ARID4B: variants seen among roughly 807,000 people sequenced by gnomAD.
ARID4B encodes the protein AT-rich interactive domain-containing protein 4B.
ARID4B carries 26 observed loss-of-function variants against 147.5 expected under a neutral mutation model. The observed-to-expected ratio is 0.18, with a 90% CI of 0.13 to 0.24. ARID4B has a LOEUF of 0.24. ARID4B is among the 10% of genes least tolerant of loss of function. ARID4B has a pLI of 1.00. For missense variants in ARID4B, 1,179 were observed against 1,511.5 expected, an observed-to-expected ratio of 0.78 and a Z score of 3.65; for synonymous variants, 512 against 507.9, an observed-to-expected ratio of 1.01 and a Z score of -0.11.
intron 2 of ARID4B, among the ~76,000 whole-genome samples, chr1:235,274,366 C>G (rs1271281380): frequency 1.3e-5 from 2 of 151,838 alleles, no homozygotes; most frequent in Non-Finnish European, 2.9e-5. Flanking sequence ...CAGTGAGACT[C>G]CGACTCAAAA....
intron 22 of ARID4B, among the ~76,000 whole-genome samples, chr1:235,173,585 CTA>C (rs1424429356): frequency 6.8e-6 from 1 of 147,956 alleles, no homozygotes; most frequent in Non-Finnish European, 1.5e-5. Context: ...GTGAAAAACT[CTA>C]GAGTAGTATT....
At chr1:235,317,907 A>G (rs1376141129) in intron 2 of ARID4B, among the ~76,000 whole-genome samples, 1 of 152,190 alleles carries the variant, frequency 6.6e-6, no homozygotes, top group Non-Finnish European at 1.5e-5. Context: ...TTAAATACTC[A>G]GCACTCCCCA....
chr1:235,272,937 A>AG (rs1025201385), intron 2 of ARID4B, among the ~76,000 whole-genome samples: 1 of 152,224 alleles, frequency 6.6e-6, no homozygotes, highest in Admixed American at 6.5e-5. Flanking sequence ...TAAGCTTATG[A>AG]GTACAGGACT....
chr1:235,291,063 G>C (rs760196501), intron 2 of ARID4B, among the ~76,000 whole-genome samples: 3 of 152,132 alleles, frequency 2.0e-5, no homozygotes, highest in Non-Finnish European at 4.4e-5. Context: ...TAGTGCTACT[G>C]CACTCCTGCC....
intron 6 of ARID4B, among the ~76,000 whole-genome samples, chr1:235,248,783 G>T (rs1334384433): frequency 1.3e-5 from 2 of 152,144 alleles, no homozygotes; most frequent in African/African-American, 4.8e-5. Flanking sequence ...CAATGTCCAG[G>T]AAAGTAGGGG....
At chr1:235,258,219 C>G (rs1035182812) in intron 3 of ARID4B, among the ~76,000 whole-genome samples, 1 of 152,146 alleles carries the variant, frequency 6.6e-6, no homozygotes, top group African/African-American at 2.4e-5. Context: ...TTAATCCCAG[C>G]TACTCCGGAG....
chr1:235,237,001 T>C (rs1177541376), intron 8 of ARID4B, among the ~76,000 whole-genome samples: 1 of 145,288 alleles, frequency 6.9e-6, no homozygotes, highest in African/African-American at 2.6e-5. Flanking sequence ...GCCTCCCGAG[T>C]AGCTGGGACT....
rs150063722 is a variant in ARID4B, at chr1:235,319,247, T to A, written c.6+7667A>T. ...AAAAGGTGAATTTGGTGAGGCGCGG[T>A]GGCTCATGCCTGTAATCCCAACACT... On this transcript the variant is annotated intron_variant, in intron 2 of 23. Coordinates refer to ENST00000264183, the MANE Select transcript of ARID4B (RefSeq NM_016374.6). Among the ~76,000 whole-genome samples the A allele has an allele frequency of 5.3e-3, 801 of 152,380 alleles. 3 individuals carry two copies. The highest frequency in any genetic ancestry group is 8.5e-3 in the Non-Finnish European group (580 of 68,042).
intron 18 of ARID4B, among the ~76,000 whole-genome samples, chr1:235,194,524 C>T (rs541671194): frequency 9.6e-4 from 146 of 152,080 alleles, no homozygotes; most frequent in Non-Finnish European, 1.8e-3. Flanking sequence ...AAATTAAATA[C>T]TAACTAAAAA....
At chr1:235,271,968 A>AAT (rs113339591) in intron 2 of ARID4B, among the ~76,000 whole-genome samples, 1 of 150,288 alleles carries the variant, frequency 6.7e-6, no homozygotes, top group Non-Finnish European at 1.5e-5. Flanking sequence ...TAATAATAAT[A>AAT]AATAATAATA....
intron 2 of ARID4B, among the ~76,000 whole-genome samples, chr1:235,290,480 A>G (rs1452619103): frequency 6.6e-6 from 1 of 151,920 alleles, no homozygotes. Flanking sequence ...CCCTACTCTT[A>G]GGAATTAATC....
At chr1:235,327,080 C>A (rs1675332730) in intron 1 of ARID4B, 112 bp from the exon 2 acceptor site, 3 of 710,426 alleles carry the variant, frequency 4.2e-6, no homozygotes, top group Non-Finnish European at 7.2e-6. Flanking sequence ...GAGCCGCAAC[C>A]AGGCGCCAGC....
Position 235,236,828 on chromosome 1 carries a change from T to TAAAAAAAAAA in ARID4B, c.586-2337_586-2336insTTTTTTTTTT, listed in dbSNP as rs767176715. 2.8e-3 allele frequency among the ~76,000 whole-genome samples: 131 copies of TAAAAAAAAAA among 46,236 alleles called. 1 individual carries two copies. The highest frequency in any genetic ancestry group is 0.02 in the East Asian group (12 of 604). 30.3% of individuals were successfully genotyped at this position (46,236 alleles called of 152,430 possible). On this transcript the variant is annotated intron_variant, in intron 8 of 23. Transcript: ENST00000264183. ...GCGCCTGGCCCACAAAACGGTTTTA[T>TAAAAAAAAAA]AAAAAATATATATATATATATATAT...
intron 18 of ARID4B, among the ~76,000 whole-genome samples, chr1:235,194,732 T>A (rs973024174): frequency 6.6e-6 from 1 of 152,010 alleles, no homozygotes; most frequent in Non-Finnish European, 1.5e-5. Flanking sequence ...GGCAGGAGAA[T>A]CGCTTGAACC....
intron 2 of ARID4B, among the ~76,000 whole-genome samples, chr1:235,302,126 G>A (rs1226238759): frequency 1.6e-5 from 2 of 125,594 alleles, no homozygotes; most frequent in South Asian, 2.6e-4. Flanking sequence ...AAGCCACTGT[G>A]CCTGGCTGAC....
chr1:235,263,901 G>A (rs555257318), intron 2 of ARID4B, among the ~76,000 whole-genome samples: 3 of 152,214 alleles, frequency 2.0e-5, no homozygotes, highest in African/African-American at 4.8e-5. Context: ...GGCTGAGGCA[G>A]GAGAATGGCG....
At chr1:235,170,910 CAAA>C (rs1164420998) in intron 23 of ARID4B, among the ~76,000 whole-genome samples, 8 of 61,442 alleles carry the variant, frequency 1.3e-4, no homozygotes, top group Admixed American at 3.6e-4. Context: ...GACTCCGTCT[CAAA>C]AAAAAAAAAA....
intron 9 of ARID4B, among the ~76,000 whole-genome samples, chr1:235,233,186 G>A (rs749976427): frequency 1.9e-4 from 29 of 152,084 alleles, no homozygotes; most frequent in Non-Finnish European, 4.3e-4. Flanking sequence ...AGAGGCTCAC[G>A]CCTGTAATCT....
chr1:235,246,347 T>G, intron 7 of ARID4B, 73 bp downstream of exon 7: 3 of 1,281,340 alleles, frequency 2.3e-6, no homozygotes, highest in Non-Finnish European at 3.4e-6. Context: ...ATTACAATTT[T>G]AAAATAACTA....
Sources: gnomAD v4.1 joint callset for allele counts (sites outside exome capture counted in the v4.1 genomes callset) on GRCh38, gnomAD v4.1.1 for gene constraint, MANE v1.5 for transcripts, NCBI Gene and HGNC (gene_info 2026-07-23, HGNC 2026-07-21) for gene names.